DLGAP2: variants seen among roughly 807,000 people sequenced by gnomAD.
DLGAP2 encodes the protein DLG associated protein 2.
In DLGAP2, 26 loss-of-function variants were observed where a neutral mutation model predicts 100.3. The ratio of observed to expected loss-of-function variants is 0.26; its 90% confidence interval spans 0.19 to 0.36. The LOEUF (loss-of-function observed/expected upper bound fraction) is 0.36, where lower values mean the gene tolerates loss of function less well. Ranked by LOEUF, DLGAP2 falls within the 10% of genes least tolerant of loss-of-function variation. The probability of loss-of-function intolerance (pLI) is 1.00; values close to 1 mark genes in which losing one functional copy is unlikely to be tolerated. For synonymous variants in DLGAP2, 886 were observed against 630.1 expected (o/e 1.41, Z -6.08); for missense variants, 1,858 against 1,453.2 (o/e 1.28, Z -4.53).
At chr8:879,022 T>A (rs1197456442) in intron 1 of DLGAP2, among the ~76,000 whole-genome samples, 2 of 152,198 alleles carry the variant, frequency 1.3e-5, no homozygotes, top group East Asian at 3.8e-4. Flanking sequence ...TGAAGGAGCC[T>A]ACCAATATCC....
At chr8:1,601,730 C>T (rs1339443098) in intron 6 of DLGAP2, among the ~76,000 whole-genome samples, 1 of 152,194 alleles carries the variant, frequency 6.6e-6, no homozygotes, top group Non-Finnish European at 1.5e-5. Context: ...GTTCACCACT[C>T]TGGTCTTTAA....
intron 2 of DLGAP2, among the ~76,000 whole-genome samples, chr8:1,140,349 C>A (rs13260497): frequency 1.0e-4 from 15 of 146,226 alleles, no homozygotes; most frequent in Non-Finnish European, 2.3e-4. Flanking sequence ...GAAGGCAGAA[C>A]AGGGCACACA....
At chr8:1,286,378 A>G (rs368840790) in intron 3 of DLGAP2, among the ~76,000 whole-genome samples, 7 of 152,330 alleles carry the variant, frequency 4.6e-5, no homozygotes, top group Non-Finnish European at 7.3e-5. Context: ...TAATATACCA[A>G]TGAATACAAT....
At chr8:802,586 C>T (rs923910148) in intron 1 of DLGAP2, among the ~76,000 whole-genome samples, 3 of 152,134 alleles carry the variant, frequency 2.0e-5, no homozygotes, top group Non-Finnish European at 4.4e-5. Flanking sequence ...GGCTGCATGG[C>T]GGGGTGGGAC....
Position 929,747 on chromosome 8 carries a change from T to A in DLGAP2, c.73+21781T>A, listed in dbSNP as rs375285010. Among the ~76,000 whole-genome samples, 230 of 143,242 alleles carry A rather than the reference T, an allele frequency of 1.6e-3. 12 individuals carry two copies. In the South Asian group the frequency reaches 0.046, roughly 29 times the overall value. 94.0% of individuals were successfully genotyped at this position (143,242 alleles called of 152,430 possible). On this transcript the variant is annotated intron_variant, in intron 2 of 14. Transcript: ENST00000637795. Reference sequence around the variant, plus strand: ...GTGTTTGCCTGGCTTTGGTTGAGAGTTCCCGGCAACAATGAGGGCTGCAGT... The same window carrying A: ...GTGTTTGCCTGGCTTTGGTTGAGAGATCCCGGCAACAATGAGGGCTGCAGT...
intron 2 of DLGAP2, among the ~76,000 whole-genome samples, chr8:1,004,204 A>T (rs934794128): frequency 2.6e-5 from 4 of 152,180 alleles, no homozygotes; most frequent in African/African-American, 9.6e-5. Flanking sequence ...TAAGTATATG[A>T]ATGTTGTAGA....
chr8:1,681,530 T>C (rs1292245924), intron 12 of DLGAP2, among the ~76,000 whole-genome samples: 1 of 152,056 alleles, frequency 6.6e-6, no homozygotes, highest in Non-Finnish European at 1.5e-5. Flanking sequence ...TGGTGGCACA[T>C]GCCTGTAGTC....
intron 2 of DLGAP2, among the ~76,000 whole-genome samples, chr8:1,225,157 G>A (rs573054999): frequency 6.6e-6 from 1 of 152,378 alleles, no homozygotes; most frequent in African/African-American, 2.4e-5. Context: ...GTGCTTGCAT[G>A]ATAGCCGAAG....
chr8:1,264,636 G>A (rs1799415876), intron 3 of DLGAP2, among the ~76,000 whole-genome samples: 2 of 152,074 alleles, frequency 1.3e-5, no homozygotes, highest in Non-Finnish European at 1.5e-5. Context: ...CACAAACTAT[G>A]TACACAGAAT....
chr8:1,632,862 C>T lies in DLGAP2; in HGVS notation c.1626C>T (p.Ser542=), dbSNP rs200142637. ...SEAEINGQFE[S]VCESVFSEVE... ...CGGAGATCAATGGGCAATTCGAGTC[C>T]GTGTGCGAGTCCGTCTTCAGTGAAG... Residue 542 remains serine (S), a synonymous_variant, in exon 8 of 15, where the codon TCC becomes TCT. Coordinates refer to ENST00000637795, the MANE Select transcript of DLGAP2 (RefSeq NM_001346810.2). 18 of 1,613,482 alleles carry T rather than the reference C, an allele frequency of 1.1e-5. No homozygotes were observed. The highest frequency in any genetic ancestry group is 6.7e-5 in the African/African-American group (5 of 75,010).
rs181912640 is a variant in DLGAP2, at chr8:1,333,480, T to C, written c.106+74597T>C. 3.4e-3 allele frequency among the ~76,000 whole-genome samples: 518 copies of C among 152,244 alleles called. 1 individual carries two copies. The highest frequency in any genetic ancestry group is 0.012 in the African/African-American group (491 of 41,540). ...CGTCATCAGATTGTCTAAATAGCGA[T>C]GTTTTGTGAGCTCTTCCACAGACAG... is the stretch of plus-strand genomic sequence containing the variant. On this transcript the variant is annotated intron_variant, in intron 3 of 14. Transcript: ENST00000637795.
chr8:1,287,219 GT>G, intron 3 of DLGAP2, among the ~76,000 whole-genome samples: 1 of 146,866 alleles, frequency 6.8e-6, no homozygotes, highest in Admixed American at 6.8e-5. Context: ...GTGTGTGTGT[GT>G]GTGTGTATGT....
At chr8:1,282,196 CGG>C in intron 3 of DLGAP2, among the ~76,000 whole-genome samples, 1 of 140,764 alleles carries the variant, frequency 7.1e-6, no homozygotes, top group African/African-American at 2.6e-5. Flanking sequence ...GTGAACCATC[CGG>C]ACATGGTGTG....
chr8:1,452,280 G>C (rs117503767), intron 3 of DLGAP2, among the ~76,000 whole-genome samples: 2 of 152,250 alleles, frequency 1.3e-5, no homozygotes, highest in African/African-American at 4.8e-5. Flanking sequence ...GTGTTCTGTG[G>C]CTGGGCGCTC....
chr8:1,511,395 CCA>C, intron 4 of DLGAP2, among the ~76,000 whole-genome samples: 4 of 143,996 alleles, frequency 2.8e-5, no homozygotes, highest in African/African-American at 1.0e-4. Flanking sequence ...TGACCATCTT[CCA>C]TGGTCGTAAG....
intron 14 of DLGAP2, among the ~76,000 whole-genome samples, chr8:1,699,188 A>G (rs1343802196): frequency 2.0e-5 from 3 of 152,194 alleles, no homozygotes; most frequent in African/African-American, 7.2e-5. Flanking sequence ...CCATCTACCC[A>G]AGCTGCGCAT....
intron 2 of DLGAP2, among the ~76,000 whole-genome samples, chr8:1,045,342 C>T (rs1802485948): frequency 6.6e-6 from 1 of 152,116 alleles, no homozygotes; most frequent in Admixed American, 6.5e-5. Flanking sequence ...ACTCAACACC[C>T]CTTACTTTTA....
intron 10 of DLGAP2, among the ~76,000 whole-genome samples, chr8:1,671,721 G>A (rs536046608): frequency 2.0e-4 from 30 of 152,362 alleles, no homozygotes; most frequent in African/African-American, 6.5e-4. Context: ...CCAGCTTAGA[G>A]CAGAAGCCAG....
At chr8:989,494 T>G (rs1800592277) in intron 2 of DLGAP2, among the ~76,000 whole-genome samples, 1 of 152,164 alleles carries the variant, frequency 6.6e-6, no homozygotes, top group Non-Finnish European at 1.5e-5. Context: ...CCAGCTGCAG[T>G]CGACGGAAAT....
Sources: gnomAD v4.1 joint callset for allele counts (sites outside exome capture counted in the v4.1 genomes callset) on GRCh38, gnomAD v4.1.1 for gene constraint, MANE v1.5 for transcripts, NCBI Gene and HGNC (gene_info 2026-07-23, HGNC 2026-07-21) for gene names.